The following RELN variants were observed in gnomAD, a reference collection of about 807,000 sequenced individuals.
The protein encoded by RELN is reelin.
In RELN, 108 loss-of-function variants were observed where a neutral mutation model predicts 427.6. The ratio of observed to expected loss-of-function variants is 0.25; its 90% CI spans 0.22 to 0.30. The LOEUF (loss-of-function observed/expected upper bound fraction) is 0.30, where lower values mean the gene tolerates loss of function less well. RELN is among the 10% of genes least tolerant of loss of function. RELN has a pLI of 1.00. For missense variants in RELN, 3,715 were observed against 4,302.8 expected (o/e 0.86, Z 3.82); for synonymous variants, 1,524 against 1,513.4 (o/e 1.01, Z -0.16).
intron 2 of RELN, among the ~76,000 whole-genome samples, chr7:103,838,971 A>G (rs529182823): frequency 6.6e-6 from 1 of 152,200 alleles, no homozygotes. Flanking sequence ...AAATACTGTT[A>G]CCCAGAGATT....
rs149510311 is a variant in RELN at position 103,972,337 on chromosome 7, T to C, written c.226+16794A>G. Among the ~76,000 whole-genome samples, 447 of 152,298 alleles carry C rather than the reference T, an allele frequency of 2.9e-3. 1 individual carries two copies. Among genetic ancestry groups the C allele is most frequent in the African/African-American group, 0.01 (430 of 41,572 alleles). On this transcript the variant is annotated intron_variant, in intron 1 of 64. Transcript: ENST00000428762. ...GTATGCAAATTAAAACACAGATTGC[T>C]TACAAGTAAGAGACTGGATTTAGAA...
chr7:103,752,876 A>G (rs1031794499), intron 5 of RELN, among the ~76,000 whole-genome samples: 1 of 152,146 alleles, frequency 6.6e-6, no homozygotes, highest in Non-Finnish European at 1.5e-5. Flanking sequence ...GGCATCTAGT[A>G]TTATGAGGGA....
intron 10 of RELN, among the ~76,000 whole-genome samples, chr7:103,695,080 G>A (rs1833950348): frequency 6.6e-6 from 1 of 152,058 alleles, no homozygotes; most frequent in South Asian, 2.1e-4. Context: ...ACTGAGATAT[G>A]CTTTCTAATT....
intron 11 of RELN, among the ~76,000 whole-genome samples, chr7:103,678,428 G>C (rs556421734): frequency 6.6e-6 from 1 of 151,624 alleles, no homozygotes; most frequent in Non-Finnish European, 1.5e-5. Flanking sequence ...TTAGAAAAAA[G>C]AAAAAAACAA....
At chr7:103,787,160 G>A (rs1343821631) in intron 3 of RELN, among the ~76,000 whole-genome samples, 1 of 152,032 alleles carries the variant, frequency 6.6e-6, no homozygotes, top group Non-Finnish European at 1.5e-5. Context: ...TGAGAACAAA[G>A]ACACAACATA....
intron 19 of RELN, among the ~76,000 whole-genome samples, chr7:103,632,393 G>T (rs1157443739): frequency 3.9e-5 from 6 of 152,192 alleles, no homozygotes; most frequent in African/African-American, 9.6e-5. Flanking sequence ...TGCATAGTAC[G>T]TATTATCAGT....
intron 1 of RELN, among the ~76,000 whole-genome samples, chr7:103,948,272 A>G (rs1796259333): frequency 1.3e-5 from 2 of 152,184 alleles, no homozygotes; most frequent in Admixed American, 1.3e-4. Flanking sequence ...GGTGCTGGTG[A>G]ACACACACAT....
chr7:103,827,565 T>G (rs973618642), intron 3 of RELN, among the ~76,000 whole-genome samples: 1 of 151,994 alleles, frequency 6.6e-6, no homozygotes, highest in Non-Finnish European at 1.5e-5. Flanking sequence ...TGCTGATACA[T>G]ATAAGAACAC....
At chr7:103,528,484 G>GTTTT (rs35464860) in intron 46 of RELN, among the ~76,000 whole-genome samples, 16 of 148,700 alleles carry the variant, frequency 1.1e-4, no homozygotes, top group Non-Finnish European at 1.8e-4. Flanking sequence ...AACCCTGTGG[G>GTTTT]TTTTTTTTTT....
At chr7:103,963,134 CTT>C (rs61170235) in intron 1 of RELN, among the ~76,000 whole-genome samples, 4 of 139,312 alleles carry the variant, frequency 2.9e-5, no homozygotes, top group Non-Finnish European at 6.1e-5. Context: ...TTTTCGCCTT[CTT>C]TTTTTTTTCT....
chr7:103,555,541 C>T (rs1020373449), intron 38 of RELN, among the ~76,000 whole-genome samples: 14 of 152,146 alleles, frequency 9.2e-5, no homozygotes, highest in Admixed American at 5.2e-4. Flanking sequence ...GTCATGATCT[C>T]GGTTCACTCC....
chr7:103,763,443 A>T (rs1791351574), intron 4 of RELN, among the ~76,000 whole-genome samples: 1 of 152,232 alleles, frequency 6.6e-6, no homozygotes, highest in African/African-American at 2.4e-5. Flanking sequence ...TGTAGTATAA[A>T]ATACATTTAG....
intron 4 of RELN, among the ~76,000 whole-genome samples, chr7:103,757,315 T>C (rs989830941): frequency 5.9e-5 from 9 of 152,148 alleles, no homozygotes; most frequent in African/African-American, 2.2e-4. Context: ...ACCTTTCCTG[T>C]TCCTCTGCCA....
At chr7:103,566,568 G>C in intron 32 of RELN, 33 bp downstream of exon 32, 1 of 1,613,536 alleles carries the variant, frequency 6.2e-7, no homozygotes, top group Non-Finnish European at 8.5e-7. Flanking sequence ...TGACCTAAAA[G>C]CTACCAGAAA....
At chr7:103,510,659 G>T (rs1829377475) in intron 51 of RELN, among the ~76,000 whole-genome samples, 192 bp downstream of exon 51, 1 of 152,094 alleles carries the variant, frequency 6.6e-6, no homozygotes, top group African/African-American at 2.4e-5. Flanking sequence ...GTTTCAACTT[G>T]AAATAGTTCA....
At chr7:103,822,593 C>T (rs1793041261) in intron 3 of RELN, among the ~76,000 whole-genome samples, 1 of 152,036 alleles carries the variant, frequency 6.6e-6, no homozygotes, top group African/African-American at 2.4e-5. Context: ...AGCATGTATT[C>T]ATTCATCTAT....
chr7:103,676,395 T>G (rs1307631219), intron 11 of RELN, among the ~76,000 whole-genome samples: 1 of 152,126 alleles, frequency 6.6e-6, no homozygotes, highest in Non-Finnish European at 1.5e-5. Context: ...AAACAACAGG[T>G]GCTGGAGAGG....
chr7:103,958,489 G>C (rs1796481427), intron 1 of RELN, among the ~76,000 whole-genome samples: 1 of 152,110 alleles, frequency 6.6e-6, no homozygotes, highest in Admixed American at 6.5e-5. Flanking sequence ...TGTCCTCTTA[G>C]CCACTCAATC....
chr7:103,616,367 A>C (rs1832079285), intron 20 of RELN, among the ~76,000 whole-genome samples: 1 of 152,172 alleles, frequency 6.6e-6, no homozygotes, highest in Admixed American at 6.6e-5. Flanking sequence ...ATGTTCTTGT[A>C]ATCATCAAAG....
Sources: gnomAD v4.1 joint callset for allele counts (sites outside exome capture counted in the v4.1 genomes callset) on GRCh38, gnomAD v4.1.1 for gene constraint, MANE v1.5 for transcripts, NCBI Gene and HGNC (gene_info 2026-07-23, HGNC 2026-07-21) for gene names.